The following MYCBP2 variants were observed in gnomAD, a reference collection of about 807,000 sequenced individuals.
MYCBP2 encodes E3 ubiquitin-protein ligase MYCBP2.
Under a neutral mutation model 525.3 loss-of-function variants are expected in MYCBP2, and 120 were observed. The ratio of observed to expected loss-of-function variants is 0.23; its 90% confidence interval spans 0.20 to 0.27. The LOEUF is 0.27. MYCBP2 is among the 10% of genes least tolerant of loss of function. The pLI is 1.00. For missense variants in MYCBP2, 4,149 were observed against 5,657.1 expected (o/e 0.73, Z 8.55); for synonymous variants, 1,894 against 1,955.8 (o/e 0.97, Z 0.83).
chr13:77,086,484 T>A (rs767283400), intron 62 of MYCBP2, among the ~76,000 whole-genome samples: 19 of 152,266 alleles, frequency 1.2e-4, no homozygotes, highest in Non-Finnish European at 2.4e-4. Flanking sequence ...TGGGTTGTTA[T>A]CTGTAATCAA....
In MYCBP2 at chr13:77,060,314, CA is replaced by C. The variant is rs537089993; in HGVS notation, c.13037-689del. Among the ~76,000 whole-genome samples the C allele has an allele frequency of 3.7e-3, 564 of 152,230 alleles. 2 individuals carry two copies. The highest frequency in any genetic ancestry group is 0.012 in the African/African-American group (487 of 41,528). On this transcript the variant is annotated intron_variant, in intron 76 of 82. Coordinates refer to ENST00000544440, the MANE Select transcript of MYCBP2 (RefSeq NM_015057.5). ...AAATCTATTTAAAAAGGATGGTTTA[CA>C]AGGATGGTTTGACATTAGAACATTT...
chr13:77,285,940 G>C (rs529000668), intron 3 of MYCBP2, among the ~76,000 whole-genome samples: 50 of 151,634 alleles, frequency 3.3e-4, no homozygotes, highest in Non-Finnish European at 1.5e-5. Context: ...TATTAGAGTA[G>C]GTACAGTTAG....
In MYCBP2 at chr13:77,091,710, T is replaced by G. The variant is rs570973212; in HGVS notation, c.10368-1447A>C. The stretch of plus-strand genomic sequence containing the variant: ...ATTGAGAACCACTGATTTAATGAAT[T>G]CATTTATTCATCAACTTTTTTTTTT... On this transcript the variant is annotated intron_variant, in intron 59 of 82. Transcript: ENST00000544440. 2.0e-5 allele frequency among the ~76,000 whole-genome samples: 3 copies of G among 152,186 alleles called. No homozygotes were observed. The South Asian group carries it at 6.2e-4, about 32-fold the overall frequency.
At chr13:77,064,552 TA>T (rs1566347420) in intron 73 of MYCBP2, 62 bp downstream of exon 73, 10 of 1,490,034 alleles carry the variant, frequency 6.7e-6, no homozygotes, top group Non-Finnish European at 8.1e-6. Flanking sequence ...AATCTATTAC[TA>T]AAAAAGAACA....
Position 77,095,342 on chromosome 13 carries a change from A to C in MYCBP2, c.10199+16T>G. On this transcript the variant is annotated intron_variant, in intron 58 of 82. Coordinates refer to ENST00000544440, the MANE Select transcript of MYCBP2 (RefSeq NM_015057.5). ...AATCCAAAGGTGATTAAAAAACAAC[A>C]GCAAAATTTTATTACCTAGCTAATG... is the stretch of plus-strand genomic sequence containing the variant. The C allele has an allele frequency of 6.2e-7, 1 of 1,612,444 alleles. No individual in the cohort carries two copies. Among genetic ancestry groups the C allele is most frequent in the East Asian group, 2.2e-5 (1 of 44,788 alleles).
rs2043346552 is a variant in MYCBP2 at position 77,081,782 on chromosome 13, C to CT, written c.11193+54dup. 1 of 1,569,040 alleles carries CT rather than the reference C, an allele frequency of 6.4e-7. No individual in the cohort carries two copies. The highest frequency in any genetic ancestry group is 1.8e-5 in the Admixed American group (1 of 54,244). On this transcript the variant is annotated intron_variant, in intron 64 of 82. Transcript: ENST00000544440. This position sits in a 1 kb window ranked among gnomAD's most constrained non-coding sequence, Gnocchi z 4.6. ...GATTATGAATAACTTACAGTTTCTCCTTTGATGTATTATTAACTAACAGGA... is the reference window on the plus strand; with the variant it reads ...GATTATGAATAACTTACAGTTTCTCCTTTTGATGTATTATTAACTAACAGGA...
chr13:77,077,466 A>G, intron 66 of MYCBP2, 79 bp from the exon 67 acceptor site: 1 of 1,529,130 alleles, frequency 6.5e-7, no homozygotes, highest in South Asian at 1.2e-5. Flanking sequence ...CATTGATACC[A>G]GCAAGCTCAA....
intron 38 of MYCBP2, among the ~76,000 whole-genome samples, chr13:77,170,256 T>C (rs1353769959): frequency 2.0e-5 from 3 of 152,224 alleles, no homozygotes; most frequent in African/African-American, 4.8e-5. Context: ...TTAAGCTACA[T>C]TGCTTTCTGT....
At chr13:77,259,726 A>T (rs2072921123) in intron 13 of MYCBP2, among the ~76,000 whole-genome samples, 1 of 152,220 alleles carries the variant, frequency 6.6e-6, no homozygotes, top group African/African-American at 2.4e-5. Context: ...CATTAATTCT[A>T]GTTTCCTTTT....
Position 77,185,287 on chromosome 13 carries a change from C to G in MYCBP2, c.4535G>C (p.Gly1512Ala). Residue 1512 changes from glycine (G) to alanine (A), a missense_variant, in exon 32 of 83, where the codon GGA becomes GCA. Physicochemically the swap from Gly to Ala is moderately conservative, Grantham distance 60 (BLOSUM62 0). Transcript: ENST00000544440. ...RTLLRKILSE[G>A]VDHCMVKLDN... is the part of the protein sequence containing the mutation. ...CAATTTCACCATGCAGTGATCAACT[C>G]CTTCTGATAAAATTTTTCTTAACAA... 1 of 1,614,022 alleles carries G rather than the reference C, an allele frequency of 6.2e-7. No individual in the cohort carries two copies. Among genetic ancestry groups the G allele is most frequent in the Non-Finnish European group, 8.5e-7 (1 of 1,180,014 alleles).
chr13:77,309,811 A>G (rs7330984), intron 1 of MYCBP2, among the ~76,000 whole-genome samples: 246 of 152,236 alleles, frequency 1.6e-3, no homozygotes, highest in African/African-American at 5.7e-3. Context: ...CTACCATTAC[A>G]TTGCTTAAAA....
In MYCBP2 at chr13:77,212,073, T is replaced by G; in HGVS notation, c.3145A>C (p.Arg1049=). ...PMPNIGSKYG[R]KATWIGASGD... Reference sequence around the variant, plus strand: ...CTTGCACCTATCCAAGTAGCTTTTCTTCCATATTTTGATCCAATGTTAGGC... The same window carrying G: ...CTTGCACCTATCCAAGTAGCTTTTCGTCCATATTTTGATCCAATGTTAGGC... Residue 1049 remains arginine, a synonymous_variant, in exon 22 of 83, where the codon AGA becomes CGA. Coordinates refer to ENST00000544440, the MANE Select transcript of MYCBP2 (RefSeq NM_015057.5). The G allele has an allele frequency of 6.2e-7, 1 of 1,614,122 alleles. No individual in the cohort carries two copies. Among genetic ancestry groups the G allele is most frequent in the Non-Finnish European group, 8.5e-7 (1 of 1,179,978 alleles).
At chr13:77,134,505 G>C (rs1266866805) in intron 52 of MYCBP2, among the ~76,000 whole-genome samples, 1 of 151,914 alleles carries the variant, frequency 6.6e-6, no homozygotes, top group African/African-American at 2.4e-5. Context: ...CTGAACTCCA[G>C]CTTGGGTGGC....
chr13:77,122,448 T>C (rs1172829304), intron 54 of MYCBP2, among the ~76,000 whole-genome samples: 2 of 152,104 alleles, frequency 1.3e-5, no homozygotes, highest in Non-Finnish European at 2.9e-5. Flanking sequence ...ACGCTTGTAA[T>C]CCCAGCACTT....
At chr13:77,104,520 A>G (rs2047564235) in intron 55 of MYCBP2, among the ~76,000 whole-genome samples, 1 of 152,104 alleles carries the variant, frequency 6.6e-6, no homozygotes, top group African/African-American at 2.4e-5. Flanking sequence ...CCATGACTGC[A>G]GAATACCACT....
intron 40 of MYCBP2, among the ~76,000 whole-genome samples, chr13:77,167,023 A>ACCCC (rs1294258144): frequency 2.0e-5 from 2 of 98,898 alleles, no homozygotes; most frequent in African/African-American, 4.3e-5. Flanking sequence ...ACACACACAC[A>ACCCC]CACCAAATGA....
At chr13:77,303,945 T>C (rs1047961378) in intron 1 of MYCBP2, among the ~76,000 whole-genome samples, 1 of 152,162 alleles carries the variant, frequency 6.6e-6, no homozygotes, top group African/African-American at 2.4e-5. Flanking sequence ...AAATTGGTTC[T>C]CTGAAAAGAT....
At chr13:77,084,926 C>CG (rs1285497316) in intron 62 of MYCBP2, among the ~76,000 whole-genome samples, 1 of 151,954 alleles carries the variant, frequency 6.6e-6, no homozygotes, top group Non-Finnish European at 1.5e-5. Context: ...ACACAACTGA[C>CG]GTACTCTGCT....
chr13:77,061,035 T>C, intron 76 of MYCBP2, 134 bp downstream of exon 76: 1 of 1,023,522 alleles, frequency 9.8e-7, no homozygotes, highest in Non-Finnish European at 1.4e-6. Context: ...ATATATTTAG[T>C]AAATATATAG....
Sources: gnomAD v4.1 joint callset for allele counts (sites outside exome capture counted in the v4.1 genomes callset) on GRCh38, gnomAD v4.1.1 for gene constraint, Gnocchi (gnomAD v3.1) non-coding constraint, MANE v1.5 for transcripts, NCBI Gene and HGNC (gene_info 2026-07-23, HGNC 2026-07-21) for gene names.